SPATA31A6: variants seen among roughly 807,000 people sequenced by gnomAD.
SPATA31A6 encodes the protein SPATA31 subfamily A member 6.
A neutral mutation model predicts 11.9 loss-of-function variants in SPATA31A6; 9 were observed. The ratio of observed to expected loss-of-function variants is 0.76; its 90% CI spans 0.46 to 1.32. The LOEUF (loss-of-function observed/expected upper bound fraction) is 1.32. Among genes scored for constraint, SPATA31A6 ranks in the 40% most tolerant of loss-of-function variants. SPATA31A6 has a pLI of 0.00. For missense variants in SPATA31A6, 855 were observed against 1,467.3 expected, an observed-to-expected ratio of 0.58 and a Z score of 6.82; for synonymous variants, 314 against 572.1, an observed-to-expected ratio of 0.55 and a Z score of 6.44.
chr9:42,183,937 T>A (rs577056230), intron 1 of SPATA31A6, 61 bp downstream of exon 1: 2 of 1,521,222 alleles, frequency 1.3e-6, no homozygotes, highest in East Asian at 4.8e-5. Context: ...TTATTATTAG[T>A]TCCACTTTTC....
At position 42,186,773 on chromosome 9, in the gene SPATA31A6, A is replaced by G. The variant is rs777562907; in HGVS notation, c.1071A>G (p.Glu357=). The G allele has an allele frequency of 6.5e-7, 1 of 1,530,356 alleles. No homozygotes were observed. The highest frequency in any genetic ancestry group is 2.4e-5 in the East Asian group (1 of 42,124). The allele number at this position is 1,530,356 out of a possible 1,614,324, so 94.8% of individuals were successfully genotyped here. The change falls in exon 4 of 4, where the codon GAA becomes GAG. Residue 357 remains glutamate (E), a synonymous_variant. Coordinates refer to ENST00000332857, the MANE Select transcript of SPATA31A6 (RefSeq NM_001145196.1). ...CATTTACAAATCAAATGACCCCAGA[A>G]AAGCACTTAAATTCTTTGGGGAATT... ...VGSFTNQMTP[E]KHLNSLGNLA...
chr9:42,189,367 C>A lies in SPATA31A6; in HGVS notation c.3665C>A (p.Ala1222Glu), dbSNP rs150951585. The A allele has an allele frequency of 2.6e-4, 397 of 1,540,264 alleles. 96 individuals carry two copies. The African/African-American group carries it at 5.9e-3, about 23-fold the overall frequency. The change falls in exon 4 of 4, where the codon GCG (alanine) becomes GAG (glutamate). Residue 1222 changes from alanine to glutamate, a missense_variant. Transcript: ENST00000332857. ...GACAAGAAAATGTCACTTTGCCATGCGCACCATGCCTCGAAGGTAAATCAG... is the reference window on the plus strand; with the variant it reads ...GACAAGAAAATGTCACTTTGCCATGAGCACCATGCCTCGAAGGTAAATCAG... ...MLDKKMSLCHAHHASKVNQHK... is the reference protein window; with the variant it reads ...MLDKKMSLCHEHHASKVNQHK...
rs1215256636 is a variant in SPATA31A6 at position 42,187,106 on chromosome 9, G to T, written c.1404G>T (p.Gln468His). The part of the protein sequence containing the change: ...RETTMSPLLF[Q>H]AQPLSHRQPF... ...CTACAATGTCCCCACTGCTTTTCCA[G>T]GCCCAGCCCCTGTCCCACCGCCAAC... Residue 468 changes from glutamine to histidine, a missense_variant, in exon 4 of 4, where the codon CAG becomes CAT. Coordinates refer to ENST00000332857, the MANE Select transcript of SPATA31A6 (RefSeq NM_001145196.1). 3 of 1,541,422 alleles carry T rather than the reference G, an allele frequency of 1.9e-6. 1 individual carries two copies. Among genetic ancestry groups the T allele is most frequent in the Admixed American group, 1.8e-5 (1 of 57,078 alleles).
At position 42,187,653 on chromosome 9, in the gene SPATA31A6, G is replaced by A. The variant is rs771332411; in HGVS notation, c.1951G>A (p.Glu651Lys). 8 of 1,511,042 alleles carry A rather than the reference G, an allele frequency of 5.3e-6. No individual in the cohort carries two copies. Among genetic ancestry groups the A allele is most frequent in the South Asian group, 4.7e-5 (4 of 85,530 alleles). 93.6% of individuals were successfully genotyped at this position (1,511,042 alleles called of 1,614,324 possible). ...SSTSTGESSKEAQKVKFQLER... is the reference protein window; with the variant it reads ...SSTSTGESSKKAQKVKFQLER... Reference sequence around the variant, plus strand: ...CACGTCCACAGGTGAAAGCAGCAAGGAGGCACAGAAGGTGAAGTTCCAGCT... The same window carrying A: ...CACGTCCACAGGTGAAAGCAGCAAGAAGGCACAGAAGGTGAAGTTCCAGCT... The change falls in exon 4 of 4, where the codon GAG becomes AAG. Residue 651 changes from glutamate to lysine, a missense_variant. Physicochemically the swap from Glu to Lys is moderately conservative, Grantham distance 56 (BLOSUM62 1). Coordinates refer to ENST00000332857, the MANE Select transcript of SPATA31A6 (RefSeq NM_001145196.1).
chr9:42,183,814 C>T lies in SPATA31A6; in HGVS notation c.127C>T (p.Leu43Phe), dbSNP rs748612956. The T allele has an allele frequency of 2.6e-6, 4 of 1,534,702 alleles. 1 individual carries two copies. Among genetic ancestry groups the T allele is most frequent in the East Asian group, 2.4e-5 (1 of 41,738 alleles). ...VFALGFFFLL[L>F]PYLSYFHCDD... ...TGCCCTGGGGTTCTTCTTCCTATTACTCCCCTACTTATCTTACTTCCATTG... is the reference window on the plus strand; with the variant it reads ...TGCCCTGGGGTTCTTCTTCCTATTATTCCCCTACTTATCTTACTTCCATTG... Residue 43 changes from leucine (L) to phenylalanine (F), a missense_variant, in exon 1 of 4, where the codon CTC becomes TTC. Physicochemically the swap from Leu to Phe is conservative, Grantham distance 22. Transcript: ENST00000332857.
At position 42,187,724 on chromosome 9, in the gene SPATA31A6, C is replaced by G; in HGVS notation, c.2022C>G (p.Thr674=). The change falls in exon 4 of 4, where the codon ACC becomes ACG. Residue 674 remains threonine (T), a synonymous_variant. Coordinates refer to ENST00000332857, the MANE Select transcript of SPATA31A6 (RefSeq NM_001145196.1). ...ATCTGGGGCAAATTCTGGGTGAGAC[C>G]CCACAAAATCTATCCAGGGACATGA... ...CPHLGQILGE[T]PQNLSRDMKS... 3 of 1,518,222 alleles carry G rather than the reference C, an allele frequency of 2.0e-6. 1 individual carries two copies. The highest frequency in any genetic ancestry group is 2.7e-6 in the Non-Finnish European group (3 of 1,128,852). The allele number at this position is 1,518,222 out of a possible 1,614,324, so 94.0% of individuals were successfully genotyped here.
Position 42,183,844 on chromosome 9 carries a change from G to T in SPATA31A6, c.157G>T (p.Asp53Tyr). 2.0e-6 allele frequency: 3 copies of T among 1,532,526 alleles called. 1 individual carries two copies. The highest frequency in any genetic ancestry group is 3.2e-5 in the African/African-American group (2 of 62,668). 94.9% of individuals were successfully genotyped at this position (1,532,526 alleles called of 1,614,324 possible). A position where few individuals can be genotyped will look rare whatever the true frequency, so the allele number is the denominator to read the frequency against. Residue 53 changes from aspartate to tyrosine, a missense_variant, in exon 1 of 4, where the codon GAC becomes TAC. Coordinates refer to ENST00000332857, the MANE Select transcript of SPATA31A6 (RefSeq NM_001145196.1). ...CTACTTATCTTACTTCCATTGTGAT[G>T]ACCCACCCTCACCATCGCCTGGGAA... is the stretch of plus-strand genomic sequence containing the variant. ...LPYLSYFHCD[D>Y]PPSPSPGKRK...
rs1829477827 is a variant in SPATA31A6, at chr9:42,187,332, T to C, written c.1630T>C (p.Leu544=). The C allele has an allele frequency of 3.9e-6, 6 of 1,539,358 alleles. 1 individual carries two copies. The highest frequency in any genetic ancestry group is 5.3e-6 in the Non-Finnish European group (6 of 1,137,400). Residue 544 remains leucine (L), a synonymous_variant, in exon 4 of 4, where the codon TTG becomes CTG. Transcript: ENST00000332857. The part of the protein sequence containing the change: ...PETQHPEWPL[L]RKQLEGRLAL... ...AACTCAGCACCCTGAATGGCCTTTG[T>C]TGAGGAAACAACTAGAAGGTAGGTT...
intron 1 of SPATA31A6, among the ~76,000 whole-genome samples, chr9:42,184,840 T>A (rs1175511994): frequency 1.4e-5 from 2 of 138,016 alleles, no homozygotes; most frequent in Non-Finnish European, 3.1e-5. Flanking sequence ...CTCTTGCTGT[T>A]TTTCTAAGAA....
At chr9:42,184,503 GTTATT>G (rs201742726) in intron 1 of SPATA31A6, among the ~76,000 whole-genome samples, 44,554 of 102,292 alleles carry the variant, frequency 0.44, 11,429 homozygotes, top group Middle Eastern at 0.53. Context: ...TTATTTGTGT[GTTATT>G]TTATTTTATT....
In SPATA31A6 at chr9:42,189,184, A is replaced by G. The variant is rs772451683; in HGVS notation, c.3482A>G (p.Glu1161Gly). Reference protein sequence around the residue: ...KQPPSVSHFGENIKQFFQWIF... With the variant: ...KQPPSVSHFGGNIKQFFQWIF... ...CCTCCTTCAGTAAGCCACTTTGGAGAAAACATCAAGCAATTTTTTCAGTGG... is the reference window on the plus strand; with the variant it reads ...CCTCCTTCAGTAAGCCACTTTGGAGGAAACATCAAGCAATTTTTTCAGTGG... Residue 1161 changes from glutamate (E) to glycine (G), a missense_variant, in exon 4 of 4, where the codon GAA becomes GGA. Glu to Gly is a moderately conservative substitution (Grantham distance 98). Transcript: ENST00000332857. The G allele has an allele frequency of 2.1e-5, 33 of 1,542,726 alleles. 6 individuals are homozygous for G. Among genetic ancestry groups the G allele is most frequent in the African/African-American group, 4.6e-5 (3 of 64,968 alleles).
rs201043132 is a variant in SPATA31A6 at position 42,187,146 on chromosome 9, A to T, written c.1444A>T (p.Thr482Ser). The change falls in exon 4 of 4, where the codon ACA becomes TCA. Residue 482 changes from threonine (T) to serine (S), a missense_variant. By Grantham distance (58) the Thr-to-Ser change is moderately conservative. Coordinates refer to ENST00000332857, the MANE Select transcript of SPATA31A6 (RefSeq NM_001145196.1). ...LSHRQPFISSTPQFLPTPMAQ... is the reference protein window; with the variant it reads ...LSHRQPFISSSPQFLPTPMAQ... ...CCACCGCCAACCCTTTATTTCATCC[A>T]CACCCCAATTCCTGCCCACACCTAT... is the stretch of plus-strand genomic sequence containing the variant. 1,172 of 1,542,146 alleles carry T rather than the reference A, an allele frequency of 7.6e-4. 268 individuals are homozygous for T. In the African/African-American group the frequency reaches 0.016, roughly 21 times the overall value.
rs955313968 is a variant in SPATA31A6 at position 42,183,969 on chromosome 9, T to C, written c.189+93T>C. The C allele has an allele frequency of 3.0e-4, 444 of 1,499,574 alleles. 63 individuals are homozygous for C. The highest frequency in any genetic ancestry group is 3.8e-4 in the Non-Finnish European group (429 of 1,120,012). The allele number at this position is 1,499,574 out of a possible 1,614,324, so 92.9% of individuals were successfully genotyped here. ...TTTCCAAATCCAGTGGAGAGCCTTC[T>C]ATGATGGGAAGTCTCAGAAGAGACC... On this transcript the variant is annotated intron_variant, in intron 1 of 3. Transcript: ENST00000332857.
At chr9:42,184,360 G>A (rs1412238299) in intron 1 of SPATA31A6, among the ~76,000 whole-genome samples, 24 of 130,442 alleles carry the variant, frequency 1.8e-4, no homozygotes, top group Non-Finnish European at 3.6e-4. Flanking sequence ...CAGTGCCTGC[G>A]GGCCTGAACT....
chr9:42,185,736 C>T lies in SPATA31A6; in HGVS notation c.289C>T (p.Leu97Phe), dbSNP rs1174262649. Residue 97 changes from leucine to phenylalanine, a missense_variant, in exon 3 of 4, where the codon CTT becomes TTT. By Grantham distance (22) the Leu-to-Phe change is conservative. Coordinates refer to ENST00000332857, the MANE Select transcript of SPATA31A6 (RefSeq NM_001145196.1). The stretch of plus-strand genomic sequence containing the variant: ...GAGAGGCCTGGAGGAGACTTCGGAC[C>T]TTCTTTCACAACTGCAGAGGTGAGG... ...CPRGLEETSD[L>F]LSQLQSLLGP... The T allele has an allele frequency of 4.0e-6, 5 of 1,250,474 alleles. 1 individual carries two copies. Among genetic ancestry groups the T allele is most frequent in the Non-Finnish European group, 5.5e-6 (5 of 908,060 alleles). 77.5% of individuals were successfully genotyped at this position (1,250,474 alleles called of 1,614,324 possible).
chr9:42,185,949 C>A (rs1829438485), intron 3 of SPATA31A6, 62 bp from the exon 4 acceptor site: 1 of 1,485,630 alleles, frequency 6.7e-7, no homozygotes. Context: ...GGCCCGAGCA[C>A]CCACTCTGCC....
rs1169746148 is a variant in SPATA31A6 at position 42,184,104 on chromosome 9, A to T, written c.189+228A>T. Among the ~76,000 whole-genome samples the T allele has an allele frequency of 4.0e-4, 55 of 137,444 alleles. 6 individuals are homozygous for T. Among genetic ancestry groups the T allele is most frequent in the Non-Finnish European group, 6.4e-4 (41 of 64,376 alleles). The allele number at this position is 137,444 out of a possible 152,430, so 90.2% of individuals were successfully genotyped here. A position where few individuals can be genotyped will look rare whatever the true frequency, so the allele number is the denominator to read the frequency against. On this transcript the variant is annotated intron_variant, in intron 1 of 3. Coordinates refer to ENST00000332857, the MANE Select transcript of SPATA31A6 (RefSeq NM_001145196.1). Reference sequence around the variant, plus strand: ...CAGTCCATCTGTGGGGGAGCACAGGAGGCATCAAGGCAAAATCAAACCAGT... The same window carrying T: ...CAGTCCATCTGTGGGGGAGCACAGGTGGCATCAAGGCAAAATCAAACCAGT...
In SPATA31A6 at chr9:42,189,198, T is replaced by A. The variant is rs202193709; in HGVS notation, c.3496T>A (p.Phe1166Ile). Residue 1166 changes from phenylalanine to isoleucine, a missense_variant, in exon 4 of 4, where the codon TTT becomes ATT. Coordinates refer to ENST00000332857, the MANE Select transcript of SPATA31A6 (RefSeq NM_001145196.1). ...VSHFGENIKQ[F>I]FQWIFSKKKS... ...CCACTTTGGAGAAAACATCAAGCAA[T>A]TTTTTCAGTGGATTTTTTCAAAGAA... 7.1e-6 allele frequency: 11 copies of A among 1,542,200 alleles called. 3 individuals are homozygous for A. The highest frequency in any genetic ancestry group is 7.0e-6 in the Non-Finnish European group (8 of 1,137,016).
chr9:42,189,510 A>G lies in SPATA31A6; in HGVS notation c.3808A>G (p.Lys1270Glu), dbSNP rs746481396. ...AGCCAGCAGTCAACAAGCCACTCTC[A>G]AGAGCCAGGGTTGTCCCAACAGAGA... ...YAASSQQATLKSQGCPNRDRQ... is the reference protein window; with the variant it reads ...YAASSQQATLESQGCPNRDRQ... Residue 1270 changes from lysine to glutamate, a missense_variant, in exon 4 of 4, where the codon AAG becomes GAG. Coordinates refer to ENST00000332857, the MANE Select transcript of SPATA31A6 (RefSeq NM_001145196.1). 111 of 1,564,154 alleles carry G rather than the reference A, an allele frequency of 7.1e-5. 15 individuals carry two copies. In the South Asian group the frequency reaches 1.2e-3, roughly 17 times the overall value.
Sources: gnomAD v4.1 joint callset for allele counts (sites outside exome capture counted in the v4.1 genomes callset) on GRCh38, gnomAD v4.1.1 for gene constraint, MANE v1.5 for transcripts, NCBI Gene and HGNC (gene_info 2026-07-23, HGNC 2026-07-21) for gene names.